PLCB1: variants seen among roughly 807,000 people sequenced by gnomAD.
PLCB1 encodes 1-phosphatidylinositol 4,5-bisphosphate phosphodiesterase beta-1.
PLCB1 carries 46 observed loss-of-function variants against 161.8 expected under a neutral mutation model. That is an observed-to-expected ratio of 0.28 (90% CI 0.22 to 0.36). PLCB1 has a LOEUF of 0.36. PLCB1 is among the 10% of genes least tolerant of loss of function. The pLI, the probability that PLCB1 is intolerant of heterozygous loss-of-function variation, is 1.00. For missense variants in PLCB1, 1,016 were observed against 1,472.5 expected, an observed-to-expected ratio of 0.69 and a Z score of 5.07; for synonymous variants, 517 against 503.7, an observed-to-expected ratio of 1.03 and a Z score of -0.35.
intron 2 of PLCB1, among the ~76,000 whole-genome samples, chr20:8,153,715 A>G (rs765174558): frequency 6.6e-6 from 1 of 152,158 alleles, no homozygotes; most frequent in Non-Finnish European, 1.5e-5. Flanking sequence ...TGTAAAAATA[A>G]AACTAGTCAC....
chr20:8,263,900 T>C (rs1981828955), intron 2 of PLCB1, among the ~76,000 whole-genome samples: 1 of 152,178 alleles, frequency 6.6e-6, no homozygotes. Flanking sequence ...TGTACACTAC[T>C]AGAGAATTTA....
At chr20:8,477,478 C>T (rs1461445910) in intron 3 of PLCB1, among the ~76,000 whole-genome samples, 2 of 152,192 alleles carry the variant, frequency 1.3e-5, no homozygotes, top group Non-Finnish European at 1.5e-5. Flanking sequence ...AATGTATCAA[C>T]TTCCATGTAA....
chr20:8,711,848 C>T (rs1158716096), intron 12 of PLCB1, among the ~76,000 whole-genome samples: 1 of 152,158 alleles, frequency 6.6e-6, no homozygotes, highest in African/African-American at 2.4e-5. Flanking sequence ...TCCTTCTCAA[C>T]ACAGTGACCT....
At chr20:8,794,296 A>G (rs1255527423) in intron 31 of PLCB1, among the ~76,000 whole-genome samples, 1 of 152,260 alleles carries the variant, frequency 6.6e-6, no homozygotes, top group Non-Finnish European at 1.5e-5. Flanking sequence ...ATAAGTGTTC[A>G]TGAAATCTTT....
At chr20:8,353,119 C>T (rs966778994) in intron 2 of PLCB1, among the ~76,000 whole-genome samples, 1 of 151,896 alleles carries the variant, frequency 6.6e-6, no homozygotes, top group African/African-American at 2.4e-5. Flanking sequence ...GATTCTAGAG[C>T]TGGGGAAGGG....
intron 2 of PLCB1, among the ~76,000 whole-genome samples, chr20:8,339,012 G>T (rs1985698658): frequency 6.6e-6 from 1 of 151,970 alleles, no homozygotes; most frequent in African/African-American, 2.4e-5. Flanking sequence ...GTGTTTCTTT[G>T]TATGACTTTA....
chr20:8,645,840 C>G (rs1398788403), intron 4 of PLCB1, among the ~76,000 whole-genome samples: 1 of 152,056 alleles, frequency 6.6e-6, no homozygotes, highest in African/African-American at 2.4e-5. Flanking sequence ...GGAAACAGAG[C>G]AATTTTCTAT....
rs899467465 is a variant in PLCB1 at position 8,644,848 on chromosome 20, C to T, written c.385-1254C>T. Among the ~76,000 whole-genome samples, 215 of 152,144 alleles carry T rather than the reference C, an allele frequency of 1.4e-3. 1 individual carries two copies. Among genetic ancestry groups the T allele is most frequent in the African/African-American group, 4.8e-3 (199 of 41,516 alleles). ...GGTGTACCCAACAGCTCATTGAGAA[C>T]GGGCCAGGATGACAATGGCGGTTTT... On this transcript the variant is annotated intron_variant, in intron 4 of 31. Coordinates refer to ENST00000338037, the MANE Select transcript of PLCB1 (RefSeq NM_015192.4).
chr20:8,815,115 A>G (rs889597371), intron 31 of PLCB1, among the ~76,000 whole-genome samples: 1 of 151,648 alleles, frequency 6.6e-6, no homozygotes, highest in African/African-American at 2.4e-5. Flanking sequence ...TCATCGCTGC[A>G]CTGCTTCATT....
chr20:8,181,248 CAAAAA>C (rs60871672), intron 2 of PLCB1, among the ~76,000 whole-genome samples: 2 of 81,316 alleles, frequency 2.5e-5, no homozygotes, highest in African/African-American at 7.6e-5. Flanking sequence ...GACTCTGTCT[CAAAAA>C]AAAAAAAAAA....
intron 10 of PLCB1, among the ~76,000 whole-genome samples, chr20:8,693,520 A>G (rs1211241436): frequency 6.6e-6 from 1 of 152,208 alleles, no homozygotes; most frequent in Non-Finnish European, 1.5e-5. Flanking sequence ...AATGGCTGTC[A>G]TAGCATTGAA....
chr20:8,379,805 TTTG>T (rs1987207930), intron 3 of PLCB1, among the ~76,000 whole-genome samples: 1 of 152,136 alleles, frequency 6.6e-6, no homozygotes, highest in Non-Finnish European at 1.5e-5. Flanking sequence ...TGGTATTTGT[TTTG>T]TTTTGTTTTT....
intron 27 of PLCB1, among the ~76,000 whole-genome samples, chr20:8,774,929 A>G (rs1174742829): frequency 6.6e-6 from 1 of 152,212 alleles, no homozygotes; most frequent in African/African-American, 2.4e-5. Context: ...TCTTCTGCCA[A>G]TAAGGCTGTA....
At chr20:8,315,776 G>T (rs1176477089) in intron 2 of PLCB1, among the ~76,000 whole-genome samples, 1 of 152,150 alleles carries the variant, frequency 6.6e-6, no homozygotes, top group Non-Finnish European at 1.5e-5. Context: ...GTAGGCAAGG[G>T]AAAGAAGCCT....
chr20:8,339,610 C>G (rs1985722428), intron 2 of PLCB1, among the ~76,000 whole-genome samples: 1 of 152,216 alleles, frequency 6.6e-6, no homozygotes, highest in South Asian at 2.1e-4. Flanking sequence ...CCTGTTTTCT[C>G]TCACGCCCAG....
At chr20:8,437,466 T>C (rs149008259) in intron 3 of PLCB1, among the ~76,000 whole-genome samples, 80 of 152,368 alleles carry the variant, frequency 5.3e-4, no homozygotes, top group African/African-American at 1.9e-3. Context: ...TATTTCATTG[T>C]AGCACTATTG....
chr20:8,629,863 TTCTTTCTTTCTTTCTC>T (rs1157690550), intron 4 of PLCB1, among the ~76,000 whole-genome samples: 9 of 102,020 alleles, frequency 8.8e-5, no homozygotes, highest in African/African-American at 3.3e-4. Flanking sequence ...CTTTCTTTCT[TTCTTTCTTTCTTTCTC>T]TCTCTCTTTC....
intron 14 of PLCB1, among the ~76,000 whole-genome samples, chr20:8,720,257 A>G (rs1979552520): frequency 6.6e-6 from 1 of 152,206 alleles, no homozygotes. Context: ...AACAGGATGC[A>G]TAACACAAAT....
At chr20:8,459,956 C>A (rs942101187) in intron 3 of PLCB1, among the ~76,000 whole-genome samples, 1 of 152,188 alleles carries the variant, frequency 6.6e-6, no homozygotes, top group African/African-American at 2.4e-5. Flanking sequence ...ATATGTGCTC[C>A]TATGAAGCCA....
Sources: allele counts gnomAD v4.1 joint callset (sites outside exome capture counted in the v4.1 genomes callset), GRCh38; gene constraint gnomAD v4.1.1; transcripts MANE v1.5; gene names NCBI Gene and HGNC (gene_info 2026-07-23, HGNC 2026-07-21).